Variants in WNT4 observed in about 807,000 individuals in gnomAD.
WNT4 encodes the protein protein Wnt-4.
Under a neutral mutation model 34.5 loss-of-function variants are expected in WNT4, and 16 were observed. The observed-to-expected ratio is 0.46, with a 90% CI of 0.31 to 0.70. The LOEUF is 0.70. Among genes scored for constraint, WNT4 ranks in the 30% least tolerant of loss-of-function variants. The pLI is 0.04. For missense variants in WNT4, 379 were observed against 495.9 expected (o/e 0.76, Z 2.24); for synonymous variants, 200 against 211.9 (o/e 0.94, Z 0.49).
chr1:22,126,685 G>T (rs1048033616), intron 2 of WNT4, among the ~76,000 whole-genome samples: 4 of 152,210 alleles, frequency 2.6e-5, no homozygotes, highest in African/African-American at 9.6e-5. Context: ...ATGTATGCAG[G>T]CTCCGGCCAT....
chr1:22,127,323 G>A (rs1189660404), intron 2 of WNT4: 2 of 530,832 alleles, frequency 3.8e-6, no homozygotes, highest in Admixed American at 2.0e-5. Flanking sequence ...CTCCCCCAAA[G>A]GTAAGGAGGG....
rs201032446 is a variant in WNT4, at chr1:22,129,809, C to T, written c.120G>A (p.Glu40=). ...GGCCCTTGAGTTTCTCGCACGTCTCCTCCTCTGAGATGCTCCCCACCGACG... is the reference window on the plus strand; with the variant it reads ...GGCCCTTGAGTTTCTCGCACGTCTCTTCCTCTGAGATGCTCCCCACCGACG... The part of the protein sequence containing the change: ...KLSSVGSISE[E]ETCEKLKGLI... The change falls in exon 2 of 5, where the codon GAG becomes GAA. Residue 40 remains glutamate, a synonymous_variant. Coordinates refer to ENST00000290167, the MANE Select transcript of WNT4 (RefSeq NM_030761.5). The T allele has an allele frequency of 6.2e-7, 1 of 1,614,016 alleles. No individual in the cohort carries two copies.
Position 22,123,545 on chromosome 1 carries a change from A to G in WNT4, c.314-1969T>C, listed in dbSNP as rs553918382. Among the ~76,000 whole-genome samples the G allele has an allele frequency of 6.6e-5, 10 of 152,356 alleles. No individual in the cohort carries two copies. The South Asian group carries it at 2.1e-3, about 32-fold the overall frequency. ...GCTTACCATGTGCTGGGCTCTGTCT[A>G]AGGACTTCACATGTGTTATATACTT... On this transcript the variant is annotated intron_variant, in intron 2 of 4. Transcript: ENST00000290167.
Position 22,134,362 on chromosome 1 carries a change from G to A in WNT4, c.78-4511C>T, listed in dbSNP as rs1646006045. On this transcript the variant is annotated intron_variant, in intron 1 of 4. Transcript: ENST00000290167. The surrounding 1 kb of genome is among the most constrained non-coding windows in gnomAD (Gnocchi z 4.1). ...GACCACAGTCCCCATCTAGGACTGTGTTCTTAGGGGGATGGTACCTGGTTT... is the reference window on the plus strand; with the variant it reads ...GACCACAGTCCCCATCTAGGACTGTATTCTTAGGGGGATGGTACCTGGTTT... Among the ~76,000 whole-genome samples the A allele has an allele frequency of 6.6e-6, 1 of 152,172 alleles. No individual in the cohort carries two copies.
chr1:22,142,933 C>T lies in WNT4; in HGVS notation c.-11G>A. ...CGAGCGGGGACTCATGGTGCCGCCG[C>T]GGGCGCCCGGCCCGGGGCAGCGGCT... On this transcript the variant is annotated 5_prime_UTR_variant, in exon 1 of 5. Transcript: ENST00000290167. The surrounding 1 kb of genome is among the most constrained non-coding windows in gnomAD (Gnocchi z 6.0). 8.9e-7 allele frequency: 1 copy of T among 1,124,784 alleles called. No homozygotes were observed. The highest frequency in any genetic ancestry group is 1.1e-6 in the Non-Finnish European group (1 of 899,988). 69.7% of individuals were successfully genotyped at this position (1,124,784 alleles called of 1,614,324 possible).
At chr1:22,124,200 G>A (rs151090023) in intron 2 of WNT4, among the ~76,000 whole-genome samples, 1 of 152,352 alleles carries the variant, frequency 6.6e-6, no homozygotes, top group Non-Finnish European at 1.5e-5. Flanking sequence ...CCAGCAAGGT[G>A]GCAGATCCTG....
Position 22,120,029 on chromosome 1 carries a change from G to C in WNT4, c.*21C>G. 6.2e-7 allele frequency: 1 copy of C among 1,603,096 alleles called. No individual in the cohort carries two copies. Among genetic ancestry groups the C allele is most frequent in the South Asian group, 1.1e-5 (1 of 90,790 alleles). ...TTCCCTGGGCCACTAGGTGGTTGCC[G>C]GCGCAGGGCTAGGCAGGCGGTCATC... On this transcript the variant is annotated 3_prime_UTR_variant, in exon 5 of 5. Transcript: ENST00000290167.
At position 22,121,595 on chromosome 1, in the gene WNT4, G is replaced by A; in HGVS notation, c.314-19C>T. The A allele has an allele frequency of 1.2e-6, 2 of 1,610,632 alleles. No homozygotes were observed. The highest frequency in any genetic ancestry group is 1.7e-6 in the Non-Finnish European group (2 of 1,179,814). On this transcript the variant is annotated intron_variant, in intron 2 of 4. Transcript: ENST00000290167. ...CGAGTCCCTGTGGGAGGCAGAGGGA[G>A]GGCAGAGCTGGGTCCCAGGGCTCCT...
At position 22,121,478 on chromosome 1, in the gene WNT4, A is replaced by G. The variant is rs1376843692; in HGVS notation, c.412T>C (p.Cys138Arg). Residue 138 changes from cysteine (C) to arginine (R), a missense_variant, in exon 3 of 5, where the codon TGT becomes CGT. Transcript: ENST00000290167. ...CSSGELEKCG[C>R]DRTVHGVSPQ... Reference sequence around the variant, plus strand: ...CTGACCCCATGCACTGTCCTGTCACAGCCGCACTTCTCCAGCTCCCCACTG... The same window carrying G: ...CTGACCCCATGCACTGTCCTGTCACGGCCGCACTTCTCCAGCTCCCCACTG... The G allele has an allele frequency of 6.2e-7, 1 of 1,613,942 alleles. No homozygotes were observed. Among genetic ancestry groups the G allele is most frequent in the African/African-American group, 1.3e-5 (1 of 74,924 alleles).
chr1:22,131,485 T>TCTCAGCCATAGGGAGCTCTGACTCAGGGA (rs1161190888), intron 1 of WNT4, among the ~76,000 whole-genome samples: 7 of 152,198 alleles, frequency 4.6e-5, no homozygotes. Context: ...AATGTTTCCT[T>TCTCAGCCATAGGGAGCTCTGACTCAGGGA]CTCAGCCATA....
chr1:22,123,866 C>A (rs1645921746), intron 2 of WNT4, among the ~76,000 whole-genome samples: 1 of 152,244 alleles, frequency 6.6e-6, no homozygotes, highest in Non-Finnish European at 1.5e-5. Flanking sequence ...AAGCCCAATT[C>A]CCTCTGTGGG....
intron 2 of WNT4, chr1:22,127,623 G>A: frequency 5.4e-6 from 2 of 369,932 alleles, no homozygotes; most frequent in Admixed American, 7.0e-5. Context: ...AAATGGCTTA[G>A]ACAAAAATGT....
In WNT4 at chr1:22,139,107, TCCTA is replaced by T. The variant is rs1487601699; in HGVS notation, c.77+3735_77+3738del. Among the ~76,000 whole-genome samples the T allele has an allele frequency of 6.6e-6, 1 of 152,114 alleles. No homozygotes were observed. Among genetic ancestry groups the T allele is most frequent in the African/African-American group, 2.4e-5 (1 of 41,416 alleles). ...TGAGCAAGGGGGTTGCAGCCTAGGA[TCCTA>T]CCTGTGTTAAATCAGTGGATCTGGG... On this transcript the variant is annotated intron_variant, in intron 1 of 4. Coordinates refer to ENST00000290167, the MANE Select transcript of WNT4 (RefSeq NM_030761.5). This position sits in a 1 kb window ranked among gnomAD's most constrained non-coding sequence, Gnocchi z 4.6.
At chr1:22,127,226 C>T (rs1386449119) in intron 2 of WNT4, 4 of 475,040 alleles carry the variant, frequency 8.4e-6, no homozygotes, top group African/African-American at 4.0e-5. Flanking sequence ...ACCAGTCAGA[C>T]TTTAGTCCAG....
At chr1:22,120,790 G>T (rs1261804472) in intron 4 of WNT4, among the ~76,000 whole-genome samples, 1 of 152,196 alleles carries the variant, frequency 6.6e-6, no homozygotes, top group East Asian at 1.9e-4. Context: ...TGACAGGTGT[G>T]GGGTGGGGAG....
chr1:22,137,974 C>G lies in WNT4; in HGVS notation c.77+4872G>C, dbSNP rs2124133317. ...GCTGAGAACCCTCTAAACAAGCCCA[C>G]CTTTCATTCATCCATCAAAGATCGG... is the stretch of plus-strand genomic sequence containing the variant. On this transcript the variant is annotated intron_variant, in intron 1 of 4. Transcript: ENST00000290167. This position sits in a 1 kb window ranked among gnomAD's most constrained non-coding sequence, Gnocchi z 5.3. Among the ~76,000 whole-genome samples the G allele has an allele frequency of 6.6e-6, 1 of 152,334 alleles. No homozygotes were observed. The highest frequency in any genetic ancestry group is 1.9e-4 in the East Asian group (1 of 5,192).
In WNT4 at chr1:22,137,281, C is replaced by T. The variant is rs908565761; in HGVS notation, c.77+5565G>A. On this transcript the variant is annotated intron_variant, in intron 1 of 4. Transcript: ENST00000290167. The surrounding 1 kb of genome is among the most constrained non-coding windows in gnomAD (Gnocchi z 5.3). Reference sequence around the variant, plus strand: ...GGTCACGGCAGGGAGCGAGCCGTCCCGAGTTTGGCTGAATCACAGAAGATG... The same window carrying T: ...GGTCACGGCAGGGAGCGAGCCGTCCTGAGTTTGGCTGAATCACAGAAGATG... Among the ~76,000 whole-genome samples, 2 of 152,134 alleles carry T rather than the reference C, an allele frequency of 1.3e-5. No homozygotes were observed. The highest frequency in any genetic ancestry group is 2.9e-5 in the Non-Finnish European group (2 of 68,032).
intron 1 of WNT4, among the ~76,000 whole-genome samples, chr1:22,141,468 A>AG (rs1196250599): frequency 1.3e-5 from 2 of 152,060 alleles, no homozygotes; most frequent in Non-Finnish European, 2.9e-5. Context: ...GGCTCCATTC[A>AG]GGGGGTGGCC....
Position 22,137,872 on chromosome 1 carries a change from C to T in WNT4, c.77+4974G>A, listed in dbSNP as rs1646034832. 6.6e-6 allele frequency among the ~76,000 whole-genome samples: 1 copy of T among 152,190 alleles called. No individual in the cohort carries two copies. The highest frequency in any genetic ancestry group is 1.5e-5 in the Non-Finnish European group (1 of 68,040). On this transcript the variant is annotated intron_variant, in intron 1 of 4. Coordinates refer to ENST00000290167, the MANE Select transcript of WNT4 (RefSeq NM_030761.5). This position sits in a 1 kb window ranked among gnomAD's most constrained non-coding sequence, Gnocchi z 5.3. ...CACCCACCTCTGTGCCTTTTAGTAT[C>T]ACCTGAGCCTCAGGGCAGTGGAGCA...
Sources: allele counts gnomAD v4.1 joint callset (sites outside exome capture counted in the v4.1 genomes callset), GRCh38; gene constraint gnomAD v4.1.1; non-coding constraint Gnocchi (gnomAD v3.1); transcripts MANE v1.5; gene names NCBI Gene and HGNC (gene_info 2026-07-23, HGNC 2026-07-21).